GABPB1: variants seen among roughly 807,000 people sequenced by gnomAD.
GABPB1 encodes GA binding protein transcription factor subunit beta 1.
GABPB1 carries 15 observed loss-of-function variants against 45.9 expected under a neutral mutation model. The ratio of observed to expected loss-of-function variants is 0.33; its 90% CI spans 0.22 to 0.50. GABPB1 has a LOEUF of 0.50. Among genes scored for constraint, GABPB1 ranks in the 20% least tolerant of loss-of-function variants. The probability of loss-of-function intolerance (pLI) is 0.98; values close to 1 mark genes in which losing one functional copy is unlikely to be tolerated. For missense variants in GABPB1, 252 were observed against 457.5 expected, an observed-to-expected ratio of 0.55 and a Z score of 4.10; for synonymous variants, 143 against 154.4, an observed-to-expected ratio of 0.93 and a Z score of 0.55.
At chr15:50,324,652 C>T (rs780741242) in intron 1 of GABPB1, among the ~76,000 whole-genome samples, 5 of 149,708 alleles carry the variant, frequency 3.3e-5, no homozygotes, top group African/African-American at 4.9e-5. Flanking sequence ...TCAAGCAATT[C>T]CCCTGCCTCA....
chr15:50,304,177 T>C, intron 2 of GABPB1, 44 bp from the exon 3 acceptor site: 1 of 1,498,920 alleles, frequency 6.7e-7, no homozygotes, highest in Non-Finnish European at 9.0e-7. Context: ...ACATTATTGT[T>C]ACTACACTTC....
chr15:50,334,950 C>T (rs2048069130), intron 1 of GABPB1, among the ~76,000 whole-genome samples: 1 of 152,004 alleles, frequency 6.6e-6, no homozygotes, highest in Non-Finnish European at 1.5e-5. Flanking sequence ...GCCTATGGTT[C>T]CTTGTCTCCT....
At position 50,275,613 on chromosome 15, in the gene GABPB1, TTCTC is replaced by T. The variant is rs1324295551; in HGVS notation, c.*3015_*3018del. ...CATGAGATTTCCCATTTATCCTCTTTTCTCTCTAATTGTCTTCCCAACCCTCCAC... is the reference window on the plus strand; with the variant it reads ...CATGAGATTTCCCATTTATCCTCTTTTCTAATTGTCTTCCCAACCCTCCAC... On this transcript the variant is annotated 3_prime_UTR_variant, in exon 9 of 9. Coordinates refer to ENST00000380877, the MANE Select transcript of GABPB1 (RefSeq NM_016654.5). 7.2e-5 allele frequency: 11 copies of T among 152,308 alleles called. No homozygotes were observed. The highest frequency in any genetic ancestry group is 1.9e-4 in the East Asian group (1 of 5,188). The allele number at this position is 152,308 out of a possible 1,614,324, so 9.4% of individuals were successfully genotyped here. A position where few individuals can be genotyped will look rare whatever the true frequency, so the allele number is the denominator to read the frequency against.
intron 1 of GABPB1, among the ~76,000 whole-genome samples, chr15:50,342,969 T>C (rs1160454088): frequency 4.4e-5 from 2 of 45,014 alleles, no homozygotes; most frequent in African/African-American, 9.9e-5. Context: ...GGCACGATCT[T>C]GGCTCACTGC....
chr15:50,279,609 A>C (rs1222943499), intron 8 of GABPB1, among the ~76,000 whole-genome samples: 3 of 152,190 alleles, frequency 2.0e-5, no homozygotes. Context: ...CAGTTATTGC[A>C]GGAAAAACAA....
chr15:50,348,043 GAA>G (rs763521486), intron 1 of GABPB1, among the ~76,000 whole-genome samples: 3 of 113,714 alleles, frequency 2.6e-5, no homozygotes, highest in African/African-American at 1.2e-4. Context: ...ACTCCATCTG[GAA>G]AAAAAAAAAA....
chr15:50,342,767 T>G (rs1218138995), intron 1 of GABPB1, among the ~76,000 whole-genome samples: 1 of 152,262 alleles, frequency 6.6e-6, no homozygotes, highest in African/African-American at 2.4e-5. Flanking sequence ...GATATATTTT[T>G]TATTGGGAGT....
intron 7 of GABPB1, among the ~76,000 whole-genome samples, chr15:50,288,979 C>T (rs2046256769): frequency 6.6e-6 from 1 of 152,098 alleles, no homozygotes; most frequent in Non-Finnish European, 1.5e-5. Context: ...GCAAATGTCA[C>T]CATGCCTAGC....
intron 1 of GABPB1, chr15:50,353,385 T>C (rs2141199871): frequency 6.6e-6 from 1 of 152,248 alleles, no homozygotes; most frequent in Non-Finnish European, 1.5e-5. Flanking sequence ...CATTTCTGTT[T>C]TTTGGTTTTT....
In GABPB1 at chr15:50,301,315, T is replaced by A; in HGVS notation, c.525A>T (p.Thr175=). 6.2e-7 allele frequency: 1 copy of A among 1,614,158 alleles called. No homozygotes were observed. Among genetic ancestry groups the A allele is most frequent in the South Asian group, 1.1e-5 (1 of 91,088 alleles). Residue 175 remains threonine (T), a synonymous_variant, in exon 5 of 9, where the codon ACA becomes ACT. Transcript: ENST00000380877. ...TAAACTGTGGTGTTGCAGCATGTAT[T>A]GTCACAGTGTCAGGACTCTCTGGGT... ...NTNPESPDTV[T]IHAATPQFII...
intron 8 of GABPB1, among the ~76,000 whole-genome samples, 163 bp from the exon 9 acceptor site, chr15:50,278,947 T>C (rs534400922): frequency 1.3e-5 from 2 of 152,170 alleles, no homozygotes; most frequent in African/African-American, 4.8e-5. Context: ...TTCACTAACA[T>C]TTAAGTCCCT....
chr15:50,354,222 T>C, intron 1 of GABPB1: 1 of 341,116 alleles, frequency 2.9e-6, no homozygotes. Context: ...TCTCAACTTC[T>C]TCCCTGAGGC....
intron 1 of GABPB1, among the ~76,000 whole-genome samples, chr15:50,345,798 G>A (rs1429954605): frequency 8.6e-5 from 13 of 151,512 alleles, no homozygotes; most frequent in African/African-American, 2.4e-4. Flanking sequence ...TGCAAGCTCC[G>A]CCTCCCGGGT....
intron 1 of GABPB1, among the ~76,000 whole-genome samples, chr15:50,339,903 C>T (rs557285479): frequency 6.6e-6 from 1 of 152,144 alleles, no homozygotes; most frequent in Admixed American, 6.5e-5. Context: ...TCTTTACTTC[C>T]CAATTTAGAA....
intron 6 of GABPB1, among the ~76,000 whole-genome samples, chr15:50,293,759 T>C (rs893693558): frequency 2.6e-5 from 4 of 152,208 alleles, no homozygotes; most frequent in African/African-American, 9.6e-5. Flanking sequence ...ATGACTGTTA[T>C]TAAAATAATA....
chr15:50,337,075 G>GTGTATA (rs1283881585), intron 1 of GABPB1, among the ~76,000 whole-genome samples: 6 of 14,176 alleles, frequency 4.2e-4, no homozygotes, highest in Admixed American at 9.5e-4. Context: ...ATATGTGTGT[G>GTGTATA]TATATATATA....
intron 1 of GABPB1, among the ~76,000 whole-genome samples, chr15:50,346,113 C>T (rs1435919767): frequency 1.3e-5 from 2 of 151,874 alleles, no homozygotes; most frequent in Non-Finnish European, 2.9e-5. Context: ...ATTCTTCTTC[C>T]GTTCAATTTA....
chr15:50,352,448 C>A (rs975262005), intron 1 of GABPB1: 5 of 152,100 alleles, frequency 3.3e-5, no homozygotes, highest in African/African-American at 1.2e-4. Flanking sequence ...GATTCTCCTG[C>A]CTCAGCCTCC....
chr15:50,285,638 A>C (rs989319255), intron 8 of GABPB1, among the ~76,000 whole-genome samples: 45 of 152,152 alleles, frequency 3.0e-4, no homozygotes, highest in Non-Finnish European at 3.7e-4. Context: ...TGCTTTTAAA[A>C]AATAACCCAT....
Sources: allele counts gnomAD v4.1 joint callset (sites outside exome capture counted in the v4.1 genomes callset), GRCh38; gene constraint gnomAD v4.1.1; transcripts MANE v1.5; gene names NCBI Gene and HGNC (gene_info 2026-07-23, HGNC 2026-07-21).